The following UBE2B variants were observed in gnomAD, a reference collection of about 807,000 sequenced individuals.
UBE2B encodes ubiquitin-conjugating enzyme E2 B.
Under a neutral mutation model 24.6 loss-of-function variants are expected in UBE2B, and 11 were observed. The ratio of observed to expected loss-of-function variants is 0.45; its 90% CI spans 0.28 to 0.74. The LOEUF (loss-of-function observed/expected upper bound fraction) is 0.74, where lower values mean the gene tolerates loss of function less well. Ranked by LOEUF, UBE2B falls within the 30% of genes least tolerant of loss-of-function variation. The probability of loss-of-function intolerance (pLI) is 0.13; values close to 1 mark genes in which losing one functional copy is unlikely to be tolerated. For synonymous variants in UBE2B, 68 were observed against 62.4 expected (o/e 1.09, Z -0.42); for missense variants, 78 against 185.6 (o/e 0.42, Z 3.37).
chr5:134,374,646 A>G, intron 2 of UBE2B, 183 bp downstream of exon 2: 1 of 632,348 alleles, frequency 1.6e-6, no homozygotes, highest in East Asian at 3.1e-5. Flanking sequence ...GTAGTAGCTC[A>G]ACGCCTGGGA....
rs70976528 is a variant in UBE2B at position 134,376,364 on chromosome 5, T to TATATAC, written c.126-304_126-303insTATACA. Among the ~76,000 whole-genome samples the TATATAC allele has an allele frequency of 2.9e-4, 23 of 79,504 alleles. 1 individual carries two copies. The highest frequency in any genetic ancestry group is 1.0e-3 in the African/African-American group (20 of 19,434). The allele number at this position is 79,504 out of a possible 152,430, so 52.2% of individuals were successfully genotyped here. A position where few individuals can be genotyped will look rare whatever the true frequency, so the allele number is the denominator to read the frequency against. ...AAAAAAAAAAATATATATATATATA[T>TATATAC]ACACATATGTACAAAATGACTGGTC... On this transcript the variant is annotated intron_variant, in intron 2 of 5. Coordinates refer to ENST00000265339, the MANE Select transcript of UBE2B (RefSeq NM_003337.4).
intron 5 of UBE2B, chr5:134,389,902 A>T (rs1758874444): frequency 2.8e-6 from 1 of 354,188 alleles, no homozygotes; most frequent in Non-Finnish European, 5.4e-6. Context: ...GCTGGGCTTG[A>T]ACTGCTGGGC....
At chr5:134,371,755 G>A in intron 1 of UBE2B, 116 bp downstream of exon 1, 4 of 1,477,558 alleles carry the variant, frequency 2.7e-6, no homozygotes, top group Non-Finnish European at 2.8e-6. Context: ...TGGGCCCAGC[G>A]GGACTGGCGG....
chr5:134,377,407 G>A (rs1758627151), intron 3 of UBE2B, among the ~76,000 whole-genome samples: 1 of 152,182 alleles, frequency 6.6e-6, no homozygotes, highest in African/African-American at 2.4e-5. Context: ...TGTCCAGTAG[G>A]AGAAATGGTT....
intron 2 of UBE2B, 102 bp downstream of exon 2, chr5:134,374,565 A>T: frequency 1.6e-6 from 2 of 1,274,930 alleles, no homozygotes; most frequent in Non-Finnish European, 1.1e-6. Flanking sequence ...GGAATGAGAG[A>T]TCTTAAGGAC....
chr5:134,378,928 C>CAA (rs796702530), intron 3 of UBE2B, among the ~76,000 whole-genome samples: 7 of 71,886 alleles, frequency 9.7e-5, no homozygotes, highest in South Asian at 4.1e-4. Context: ...GACTCCATCT[C>CAA]AAAAAAAAAA....
rs192216572 is a variant in UBE2B, at chr5:134,374,518, A to G, written c.125+55A>G. On this transcript the variant is annotated intron_variant, in intron 2 of 5. Coordinates refer to ENST00000265339, the MANE Select transcript of UBE2B (RefSeq NM_003337.4). ...TGTGTGCTGAATCTTTAAGAAAAGT[A>G]AACATATAACAACTGTCTAGGAAAA... 4.3e-4 allele frequency: 650 copies of G among 1,524,448 alleles called. 1 individual carries two copies. The African/African-American group carries it at 8.0e-3, about 19-fold the overall frequency. 94.4% of individuals were successfully genotyped at this position (1,524,448 alleles called of 1,614,324 possible). A position where few individuals can be genotyped will look rare whatever the true frequency, so the allele number is the denominator to read the frequency against.
chr5:134,383,521 C>T (rs1004412319), intron 4 of UBE2B, among the ~76,000 whole-genome samples: 5 of 121,464 alleles, frequency 4.1e-5, no homozygotes, highest in South Asian at 2.9e-4. Flanking sequence ...CTTGCTCTAT[C>T]GGCCAGGCTG....
chr5:134,380,904 C>T (rs1384881483), intron 4 of UBE2B, 96 bp downstream of exon 4: 1 of 701,430 alleles, frequency 1.4e-6, no homozygotes, highest in Non-Finnish European at 2.5e-6. Context: ...TGTTAGGGCT[C>T]ACTTGTAGGT....
chr5:134,376,348 A>AATATATATATATATATATATATATAT lies in UBE2B; in HGVS notation c.126-304_126-303insTATATATATATATATATATATATATA, dbSNP rs1190025064. On this transcript the variant is annotated intron_variant, in intron 2 of 5. Transcript: ENST00000265339. Reference sequence around the variant, plus strand: ...AAAAAAAAAAAAAAAAAAAAAAAAAAATATATATATATATATACACATATG... The same window carrying AATATATATATATATATATATATATAT: ...AAAAAAAAAAAAAAAAAAAAAAAAAAATATATATATATATATATATATATATATATATATATATATATACACATATG... 9.9e-3 allele frequency among the ~76,000 whole-genome samples: 47 copies of AATATATATATATATATATATATATAT among 4,724 alleles called. 3 individuals carry two copies. Among genetic ancestry groups the AATATATATATATATATATATATATAT allele is most frequent in the Non-Finnish European group, 0.019 (33 of 1,776 alleles). The allele number at this position is 4,724 out of a possible 152,430, so 3.1% of individuals were successfully genotyped here. A position where few individuals can be genotyped will look rare whatever the true frequency, so the allele number is the denominator to read the frequency against.
chr5:134,376,360 T>TATAC (rs1458993161), intron 2 of UBE2B, among the ~76,000 whole-genome samples: 3 of 89,334 alleles, frequency 3.4e-5, no homozygotes, highest in Non-Finnish European at 4.4e-5. Flanking sequence ...TATATATATA[T>TATAC]ATATACACAT....
At position 134,385,145 on chromosome 5, in the gene UBE2B, TCA is replaced by T. The variant is rs1441035214; in HGVS notation, c.242-3179_242-3178del. Among the ~76,000 whole-genome samples the T allele has an allele frequency of 2.1e-4, 32 of 152,384 alleles. 1 individual carries two copies. The highest frequency in any genetic ancestry group is 4.4e-4 in the Non-Finnish European group (30 of 68,040). The stretch of plus-strand genomic sequence containing the variant: ...CTTTTGGATTCTCAGAAATAGTTAC[TCA>T]GAACTTTAAAATTGTTTTACACTTT... On this transcript the variant is annotated intron_variant, in intron 4 of 5. Coordinates refer to ENST00000265339, the MANE Select transcript of UBE2B (RefSeq NM_003337.4).
At chr5:134,374,064 T>A (rs943143522) in intron 1 of UBE2B, among the ~76,000 whole-genome samples, 1 of 152,204 alleles carries the variant, frequency 6.6e-6, no homozygotes, top group Non-Finnish European at 1.5e-5. Flanking sequence ...CGCCATACTG[T>A]CTTCCACAAT....
At chr5:134,374,494 G>A (rs1456024909) in intron 2 of UBE2B, 31 bp downstream of exon 2, 2 of 1,546,902 alleles carry the variant, frequency 1.3e-6, no homozygotes, top group Admixed American at 2.0e-5. Flanking sequence ...AATAATAGGT[G>A]TGTGCTGAAT....
intron 5 of UBE2B, chr5:134,389,927 T>C (rs1758874839): frequency 2.7e-6 from 1 of 373,778 alleles, no homozygotes; most frequent in Non-Finnish European, 5.1e-6. Flanking sequence ...GGGATCCTCC[T>C]GCCTTGGCCT....
chr5:134,373,041 G>A (rs1029738392), intron 1 of UBE2B, among the ~76,000 whole-genome samples: 3 of 152,122 alleles, frequency 2.0e-5, no homozygotes, highest in Non-Finnish European at 4.4e-5. Context: ...TGAATGCATG[G>A]CACCTTTTGT....
intron 1 of UBE2B, among the ~76,000 whole-genome samples, chr5:134,372,638 C>T (rs181540238): frequency 1.4e-3 from 209 of 152,270 alleles, no homozygotes; most frequent in African/African-American, 4.2e-3. Context: ...CTATGTGAGG[C>T]ACTTGGATTT....
chr5:134,387,879 T>C (rs1422358967), intron 4 of UBE2B, among the ~76,000 whole-genome samples: 4 of 152,180 alleles, frequency 2.6e-5, no homozygotes, highest in Non-Finnish European at 5.9e-5. Context: ...CTCAGCTCAC[T>C]GCAACCCCTG....
chr5:134,383,590 C>T (rs1258109699), intron 4 of UBE2B, among the ~76,000 whole-genome samples: 1 of 140,762 alleles, frequency 7.1e-6, no homozygotes. Context: ...TCAAGTGATT[C>T]TCTTGCCTCA....
Sources: gnomAD v4.1 joint callset for allele counts (sites outside exome capture counted in the v4.1 genomes callset) on GRCh38, gnomAD v4.1.1 for gene constraint, MANE v1.5 for transcripts, NCBI Gene and HGNC (gene_info 2026-07-23, HGNC 2026-07-21) for gene names.